The following RBFOX3 variants were observed in gnomAD, a reference collection of about 807,000 sequenced individuals.
The protein encoded by RBFOX3 is RNA binding fox-1 homolog 3.
Under a neutral mutation model 48.7 loss-of-function variants are expected in RBFOX3, and 17 were observed. That is an observed-to-expected ratio of 0.35 (90% CI 0.24 to 0.52). The LOEUF is 0.52. Ranked by LOEUF, RBFOX3 falls within the 20% of genes least tolerant of loss-of-function variation. The probability of loss-of-function intolerance (pLI) is 0.94; values close to 1 mark genes in which losing one functional copy is unlikely to be tolerated. For synonymous variants in RBFOX3, 212 were observed against 209.5 expected, an observed-to-expected ratio of 1.01 and a Z score of -0.10; for missense variants, 382 against 497.5, an observed-to-expected ratio of 0.77 and a Z score of 2.21.
In RBFOX3 at chr17:79,098,075, G is replaced by C. The variant is rs868023362; in HGVS notation, c.569-330C>G. On this transcript the variant is annotated intron_variant, in intron 9 of 14. Transcript: ENST00000693108. ...ACCTCCCAGAAGAGAACTGGAGAGG[G>C]AAAGTGGAACTTGTTATCTACCCCC... 15 of 329,756 alleles carry C rather than the reference G, an allele frequency of 4.5e-5. No individual in the cohort carries two copies. The South Asian group carries it at 6.3e-4, about 14-fold the overall frequency. 20.4% of individuals were successfully genotyped at this position (329,756 alleles called of 1,614,324 possible).
chr17:79,512,523 A>G (rs1274709605), intron 1 of RBFOX3, among the ~76,000 whole-genome samples: 383 of 72,232 alleles, frequency 5.3e-3, no homozygotes, highest in Middle Eastern at 0.026. Flanking sequence ...ACACCCACCC[A>G]GATACATGTT....
rs1424931123 is a variant in RBFOX3, at chr17:79,311,752, A to C, written c.-174-3928T>G. On this transcript the variant is annotated intron_variant, in intron 2 of 14. Transcript: ENST00000693108. This position sits in a 1 kb window ranked among gnomAD's most constrained non-coding sequence, Gnocchi z 4.2. ...CCCACCTCCCCATGCTCTGCCCAGC[A>C]TGCAGTTCTGGCTGGTGGAGTGGGA... 6.6e-6 allele frequency among the ~76,000 whole-genome samples: 1 copy of C among 152,168 alleles called. No individual in the cohort carries two copies. Among genetic ancestry groups the C allele is most frequent in the East Asian group, 1.9e-4 (1 of 5,188 alleles).
In RBFOX3 at chr17:79,310,894, G is replaced by T. The variant is rs550406887; in HGVS notation, c.-174-3070C>A. Among the ~76,000 whole-genome samples the T allele has an allele frequency of 5.9e-5, 9 of 152,298 alleles. No homozygotes were observed. In the South Asian group the frequency reaches 6.2e-4, roughly 11 times the overall value. On this transcript the variant is annotated intron_variant, in intron 2 of 14. Transcript: ENST00000693108. Reference sequence around the variant, plus strand: ...GGTCTCGGGGCATCTGATGGTCAGTGTTATGCGTCCACTTGGCCAGGCTCT... The same window carrying T: ...GGTCTCGGGGCATCTGATGGTCAGTTTTATGCGTCCACTTGGCCAGGCTCT...
the RBFOX3 span, among the ~76,000 whole-genome samples, chr17:79,634,363 TTCCATTCCAGGGGA>T: frequency 1.1e-4 from 17 of 152,278 alleles, no homozygotes; most frequent in South Asian, 2.7e-3. Context: ...ACACCCTCTA[TTCCATTCCAGGGGA>T]TCCAAAGGCC....
At chr17:79,207,692 G>A (rs754097141) in intron 4 of RBFOX3, among the ~76,000 whole-genome samples, 14 of 152,184 alleles carry the variant, frequency 9.2e-5, no homozygotes, top group Non-Finnish European at 1.6e-4. Flanking sequence ...CTAGGGGGGT[G>A]TCTGCAAGTC....
Position 79,428,825 on chromosome 17 carries a change from G to T in RBFOX3, c.-175+53629C>A, listed in dbSNP as rs146403134. Among the ~76,000 whole-genome samples the T allele has an allele frequency of 3.1e-3, 467 of 152,304 alleles. 3 individuals carry two copies. The highest frequency in any genetic ancestry group is 9.8e-3 in the African/African-American group (406 of 41,556). ...AGTGAATTACTGATGGGTAACCATC[G>T]GTCTAATTTCTGTCTGTATGAATTT... On this transcript the variant is annotated intron_variant, in intron 2 of 14. Coordinates refer to ENST00000693108, the MANE Select transcript of RBFOX3 (RefSeq NM_001350451.2).
chr17:79,482,888 C>G lies in RBFOX3; in HGVS notation c.-319-290G>C, dbSNP rs2078966075. Reference sequence around the variant, plus strand: ...GTCCGCCCCTCTCCCAGCCCGCTTGCAATGGTCCCCCAATCCCAGGGACTC... The same window carrying G: ...GTCCGCCCCTCTCCCAGCCCGCTTGGAATGGTCCCCCAATCCCAGGGACTC... On this transcript the variant is annotated intron_variant, in intron 1 of 14. Coordinates refer to ENST00000693108, the MANE Select transcript of RBFOX3 (RefSeq NM_001350451.2). This position sits in a 1 kb window ranked among gnomAD's most constrained non-coding sequence, Gnocchi z 4.1. Among the ~76,000 whole-genome samples the G allele has an allele frequency of 6.6e-6, 1 of 151,866 alleles. No individual in the cohort carries two copies. Among genetic ancestry groups the G allele is most frequent in the Non-Finnish European group, 1.5e-5 (1 of 67,954 alleles).
intron 1 of RBFOX3, among the ~76,000 whole-genome samples, chr17:79,566,078 C>T (rs2092442483): frequency 6.6e-6 from 1 of 152,186 alleles, no homozygotes; most frequent in Non-Finnish European, 1.5e-5. Flanking sequence ...CTGTCATCCT[C>T]GGATTTAATA....
chr17:79,266,260 G>A (rs2066683860), intron 3 of RBFOX3, among the ~76,000 whole-genome samples: 2 of 152,198 alleles, frequency 1.3e-5, no homozygotes, highest in South Asian at 2.1e-4. Context: ...TGGACTTCTT[G>A]GCACATTCCC....
At chr17:79,426,798 A>G (rs1374805081) in intron 2 of RBFOX3, among the ~76,000 whole-genome samples, 3 of 152,116 alleles carry the variant, frequency 2.0e-5, no homozygotes, top group Non-Finnish European at 2.9e-5. Context: ...TACACCTCCC[A>G]GGTTCAAGGG....
intron 3 of RBFOX3, among the ~76,000 whole-genome samples, chr17:79,287,767 T>G (rs114792798): frequency 0.03 from 4,620 of 152,144 alleles, 112 homozygotes; most frequent in East Asian, 0.069. Flanking sequence ...TCCAGGCAGG[T>G]TGGGCTCCCC....
chr17:79,174,781 CAG>C (rs2050174714), intron 4 of RBFOX3, among the ~76,000 whole-genome samples: 1 of 152,248 alleles, frequency 6.6e-6, no homozygotes, highest in South Asian at 2.1e-4. Context: ...CCACTTAGCA[CAG>C]GGCCCGGCAC....
intron 2 of RBFOX3, among the ~76,000 whole-genome samples, chr17:79,368,897 AT>A (rs1200487425): frequency 6.6e-6 from 1 of 152,156 alleles, no homozygotes; most frequent in Non-Finnish European, 1.5e-5. Flanking sequence ...ACTTTTCACT[AT>A]TTTTTGATGG....
intron 3 of RBFOX3, among the ~76,000 whole-genome samples, chr17:79,264,094 CTT>C (rs559845696): frequency 7.8e-5 from 11 of 141,738 alleles, no homozygotes; most frequent in Admixed American, 2.1e-4. Flanking sequence ...CTGTTGGCAT[CTT>C]TTTTTTTTTT....
intron 1 of RBFOX3, among the ~76,000 whole-genome samples, chr17:79,572,250 C>A (rs1297465114): frequency 6.6e-6 from 1 of 152,190 alleles, no homozygotes; most frequent in Non-Finnish European, 1.5e-5. Context: ...CAGACCAGGG[C>A]ATTCCCCTGC....
At chr17:79,154,740 C>T (rs1345766518) in intron 4 of RBFOX3, among the ~76,000 whole-genome samples, 2 of 152,236 alleles carry the variant, frequency 1.3e-5, no homozygotes, top group Admixed American at 6.5e-5. Flanking sequence ...GCCCCTGCCC[C>T]GTTGGCTGGT....
chr17:79,403,725 C>T (rs1228898583), intron 2 of RBFOX3, among the ~76,000 whole-genome samples: 1 of 152,130 alleles, frequency 6.6e-6, no homozygotes, highest in African/African-American at 2.4e-5. Flanking sequence ...CAGGGCAAAC[C>T]TGCCCAGGCC....
At chr17:79,461,511 G>T (rs2075363974) in intron 2 of RBFOX3, among the ~76,000 whole-genome samples, 1 of 152,170 alleles carries the variant, frequency 6.6e-6, no homozygotes, top group Non-Finnish European at 1.5e-5. Flanking sequence ...AACAATTATA[G>T]ACTACATCTT....
chr17:79,338,215 A>G (rs963917122), intron 2 of RBFOX3, among the ~76,000 whole-genome samples: 2 of 152,188 alleles, frequency 1.3e-5, no homozygotes, highest in Admixed American at 6.5e-5. Context: ...CTGGGGTTAC[A>G]GGCATGAGCC....
Sources: gnomAD v4.1 joint callset for allele counts (sites outside exome capture counted in the v4.1 genomes callset) on GRCh38, gnomAD v4.1.1 for gene constraint, Gnocchi (gnomAD v3.1) non-coding constraint, MANE v1.5 for transcripts, NCBI Gene and HGNC (gene_info 2026-07-23, HGNC 2026-07-21) for gene names.